The following MVB12B variants were observed in gnomAD, a reference collection of about 807,000 sequenced individuals.
MVB12B encodes the protein ESCRT-I complex subunit MVB12B.
A neutral mutation model predicts 41.6 loss-of-function variants in MVB12B; 16 were observed. The observed-to-expected ratio is 0.38, with a 90% CI of 0.26 to 0.58. The LOEUF (loss-of-function observed/expected upper bound fraction) is 0.58, where lower values mean the gene tolerates loss of function less well. MVB12B is among the 20% of genes least tolerant of loss of function. MVB12B has a pLI of 0.62. For synonymous variants in MVB12B, 133 were observed against 139.7 expected, an observed-to-expected ratio of 0.95 and a Z score of 0.34; for missense variants, 274 against 380.2, an observed-to-expected ratio of 0.72 and a Z score of 2.32.
chr9:126,335,383 C>T lies in MVB12B; in HGVS notation c.82-5125C>T, dbSNP rs1457185152. The T allele has an allele frequency of 2.3e-6, 3 of 1,304,214 alleles. No homozygotes were observed. In the African/African-American group the frequency reaches 4.6e-5, roughly 20 times the overall value. The allele number at this position is 1,304,214 out of a possible 1,614,324, so 80.8% of individuals were successfully genotyped here. On this transcript the variant is annotated intron_variant, in intron 1 of 9. Transcript: ENST00000361171. ...TAACTGGGCACAGCATGGACACTGG[C>T]CTCAGCTCTCAGCCTTCTGAGGAGG...
intron 9 of MVB12B, among the ~76,000 whole-genome samples, chr9:126,501,953 C>T (rs1186993774): frequency 1.3e-5 from 2 of 152,104 alleles, no homozygotes; most frequent in African/African-American, 4.8e-5. Context: ...TGACCCCTGC[C>T]GTGTTCCTGA....
chr9:126,467,507 C>T (rs767154833), intron 7 of MVB12B, among the ~76,000 whole-genome samples: 3 of 152,152 alleles, frequency 2.0e-5, no homozygotes, highest in Non-Finnish European at 4.4e-5. Context: ...TGTAGGCCTA[C>T]GTGAATAACT....
chr9:126,351,483 C>CTTTTTTTTTTTTTTTT (rs34141510), intron 2 of MVB12B, among the ~76,000 whole-genome samples: 1 of 86,296 alleles, frequency 1.2e-5, no homozygotes. Flanking sequence ...GTCTTTCACT[C>CTTTTTTTTTTTTTTTT]TTTTTTTTTT....
intron 6 of MVB12B, among the ~76,000 whole-genome samples, chr9:126,419,300 G>C (rs1831926887): frequency 6.6e-6 from 1 of 152,176 alleles, no homozygotes; most frequent in Admixed American, 6.5e-5. Flanking sequence ...GGTATAGTGA[G>C]TGCAGTTATA....
At chr9:126,418,812 T>C (rs1831905786) in intron 6 of MVB12B, among the ~76,000 whole-genome samples, 1 of 152,126 alleles carries the variant, frequency 6.6e-6, no homozygotes, top group Admixed American at 6.5e-5. Context: ...CCCACCTCAA[T>C]GTACCTTCCT....
chr9:126,418,975 G>T (rs1169931127), intron 6 of MVB12B, among the ~76,000 whole-genome samples: 2 of 152,088 alleles, frequency 1.3e-5, no homozygotes, highest in Non-Finnish European at 2.9e-5. Context: ...CCACCACTGA[G>T]TCCCCCACAG....
chr9:126,441,094 T>C (rs1272656193), intron 7 of MVB12B, among the ~76,000 whole-genome samples: 1 of 152,112 alleles, frequency 6.6e-6, no homozygotes, highest in Non-Finnish European at 1.5e-5. Flanking sequence ...CGATGGGAGG[T>C]GCCAGTTTGT....
rs527716592 is a variant in MVB12B at position 126,473,273 on chromosome 9, G to A, written c.758-8096G>A. 1.3e-5 allele frequency among the ~76,000 whole-genome samples: 2 copies of A among 152,288 alleles called. No homozygotes were observed. Among genetic ancestry groups the A allele is most frequent in the African/African-American group, 4.8e-5 (2 of 41,564 alleles). On this transcript the variant is annotated intron_variant, in intron 7 of 9. Transcript: ENST00000361171. The surrounding 1 kb of genome is among the most constrained non-coding windows in gnomAD (Gnocchi z 4.0). ...TGCAGCAAAAACTCAGGTCTGCCAA[G>A]CTCCCAGCCCCTCCTTCCCTGCCAT...
chr9:126,400,820 C>T (rs569433701), intron 6 of MVB12B, among the ~76,000 whole-genome samples: 19 of 152,204 alleles, frequency 1.2e-4, no homozygotes, highest in Admixed American at 4.6e-4. Context: ...CGGGGCCCTC[C>T]CTTGGTGATG....
At chr9:126,457,391 C>G (rs1205978305) in intron 7 of MVB12B, among the ~76,000 whole-genome samples, 1 of 152,218 alleles carries the variant, frequency 6.6e-6, no homozygotes, top group African/African-American at 2.4e-5. Flanking sequence ...CTGGCTCGCT[C>G]ACTGGCCCAA....
chr9:126,344,108 T>G (rs572507), intron 2 of MVB12B, among the ~76,000 whole-genome samples: 2 of 151,630 alleles, frequency 1.3e-5, no homozygotes, highest in Non-Finnish European at 2.9e-5. Flanking sequence ...ACTCCAGAAC[T>G]TTTTAATTTT....
intron 6 of MVB12B, among the ~76,000 whole-genome samples, chr9:126,420,822 C>T (rs575076493): frequency 2.0e-5 from 3 of 152,140 alleles, no homozygotes; most frequent in Admixed American, 2.0e-4. Flanking sequence ...GGATTATAAG[C>T]GTGAGCCACC....
chr9:126,410,813 G>A (rs1342819706), intron 6 of MVB12B, among the ~76,000 whole-genome samples: 1 of 151,970 alleles, frequency 6.6e-6, no homozygotes, highest in Non-Finnish European at 1.5e-5. Context: ...CCATGTCCCT[G>A]GATACCTCCC....
At chr9:126,439,606 G>A (rs952915012) in intron 7 of MVB12B, among the ~76,000 whole-genome samples, 6 of 152,198 alleles carry the variant, frequency 3.9e-5, no homozygotes, top group Admixed American at 1.3e-4. Flanking sequence ...ACGCTCACAC[G>A]TACAGTACCA....
chr9:126,435,359 C>T (rs1428179169), intron 7 of MVB12B, among the ~76,000 whole-genome samples: 1 of 152,170 alleles, frequency 6.6e-6, no homozygotes, highest in Non-Finnish European at 1.5e-5. Context: ...CCTGGCATGG[C>T]TCAGGGAAAC....
chr9:126,491,306 TTTTG>T lies in MVB12B; in HGVS notation c.873+7276_873+7279del, dbSNP rs542133179. The stretch of plus-strand genomic sequence containing the variant: ...CCCGCAGGAATAAAGTGAAGCAGAT[TTTTG>T]TATCAATAATGAAATGGCAGCGTCC... On this transcript the variant is annotated intron_variant, in intron 9 of 9. Transcript: ENST00000361171. Among the ~76,000 whole-genome samples the T allele has an allele frequency of 4.9e-3, 753 of 152,356 alleles. 7 individuals are homozygous for T. Among genetic ancestry groups the T allele is most frequent in the African/African-American group, 0.018 (728 of 41,580 alleles).
intron 7 of MVB12B, among the ~76,000 whole-genome samples, chr9:126,452,641 G>A (rs1012520782): frequency 2.0e-5 from 3 of 152,136 alleles, no homozygotes; most frequent in Admixed American, 1.3e-4. Flanking sequence ...GTGTGAACCC[G>A]GCAGAGGAAA....
rs184082788 is a variant in MVB12B, at chr9:126,481,444, G to T, written c.813+20G>T. On this transcript the variant is annotated intron_variant, in intron 8 of 9. Transcript: ENST00000361171. ...GAAAGTGTAAGTTTTATGCATGATCGCCCTTCCCCTCTGCCACCCCCCAGC... is the reference window on the plus strand; with the variant it reads ...GAAAGTGTAAGTTTTATGCATGATCTCCCTTCCCCTCTGCCACCCCCCAGC... The T allele has an allele frequency of 5.0e-6, 8 of 1,599,856 alleles. No individual in the cohort carries two copies. The highest frequency in any genetic ancestry group is 6.9e-6 in the Non-Finnish European group (8 of 1,167,268).
chr9:126,423,537 A>G (rs1832083976), intron 7 of MVB12B, among the ~76,000 whole-genome samples: 1 of 152,208 alleles, frequency 6.6e-6, no homozygotes, highest in African/African-American at 2.4e-5. Flanking sequence ...GTGGCAGTCA[A>G]TTGGATTTTA....
Sources: gnomAD v4.1 joint callset for allele counts (sites outside exome capture counted in the v4.1 genomes callset) on GRCh38, gnomAD v4.1.1 for gene constraint, Gnocchi (gnomAD v3.1) non-coding constraint, MANE v1.5 for transcripts, NCBI Gene and HGNC (gene_info 2026-07-23, HGNC 2026-07-21) for gene names.